DPP10: variants seen among roughly 807,000 people sequenced by gnomAD.
DPP10 encodes the protein inactive dipeptidyl peptidase 10.
A neutral mutation model predicts 120.9 loss-of-function variants in DPP10; 33 were observed. The ratio of observed to expected loss-of-function variants is 0.27; its 90% confidence interval spans 0.21 to 0.37. The LOEUF (loss-of-function observed/expected upper bound fraction) is 0.37. DPP10 is among the 10% of genes least tolerant of loss of function. The pLI is 1.00. For missense variants in DPP10, 816 were observed against 942.8 expected (o/e 0.87, Z 1.76); for synonymous variants, 337 against 326.1 (o/e 1.03, Z -0.36).
chr2:115,653,533 T>G (rs2087995471), intron 5 of DPP10, among the ~76,000 whole-genome samples: 1 of 152,008 alleles, frequency 6.6e-6, no homozygotes, highest in Non-Finnish European at 1.5e-5. Context: ...TTTTTCTTAC[T>G]CTTCATTTGC....
At chr2:115,147,074 T>C (rs2051265117) in intron 1 of DPP10, among the ~76,000 whole-genome samples, 1 of 152,108 alleles carries the variant, frequency 6.6e-6, no homozygotes, top group Non-Finnish European at 1.5e-5. Flanking sequence ...GACAGATTTA[T>C]CTAACTATAA....
At chr2:115,169,602 T>C (rs946114396) in intron 1 of DPP10, among the ~76,000 whole-genome samples, 1 of 152,188 alleles carries the variant, frequency 6.6e-6, no homozygotes, top group Non-Finnish European at 1.5e-5. Flanking sequence ...TTGTTTGATA[T>C]GTTCATGGTT....
intron 1 of DPP10, among the ~76,000 whole-genome samples, chr2:115,098,435 A>C (rs2048511355): frequency 6.6e-6 from 1 of 152,160 alleles, no homozygotes; most frequent in African/African-American, 2.4e-5. Flanking sequence ...TACTTACGGA[A>C]ACCTAGACTG....
chr2:115,815,584 C>G (rs753791261), intron 20 of DPP10, 91 bp from the exon 21 acceptor site: 1 of 1,089,720 alleles, frequency 9.2e-7, no homozygotes, highest in African/African-American at 1.6e-5. Context: ...TAGTCATTAG[C>G]TATTGTTTTG....
intron 5 of DPP10, among the ~76,000 whole-genome samples, chr2:115,602,712 G>A (rs2083411045): frequency 6.6e-6 from 1 of 152,120 alleles, no homozygotes; most frequent in Non-Finnish European, 1.5e-5. Context: ...CTCACTCATG[G>A]CACAGCCTGG....
At chr2:114,673,892 C>A (rs1306177033) in intron 1 of DPP10, among the ~76,000 whole-genome samples, 2 of 152,130 alleles carry the variant, frequency 1.3e-5, no homozygotes, top group African/African-American at 2.4e-5. Context: ...AATACTGCAA[C>A]TTATGGATAC....
chr2:115,225,455 G>C (rs1559271479), intron 1 of DPP10, among the ~76,000 whole-genome samples: 1 of 151,590 alleles, frequency 6.6e-6, no homozygotes, highest in Non-Finnish European at 1.5e-5. Context: ...CTTATTGAGT[G>C]CTTCGAAACA....
At chr2:115,830,572 A>G (rs1688817814) in intron 21 of DPP10, among the ~76,000 whole-genome samples, 1 of 152,292 alleles carries the variant, frequency 6.6e-6, no homozygotes, top group South Asian at 2.1e-4. Context: ...GTCTTTCTTT[A>G]CTGAATTTAG....
chr2:114,936,373 G>GTA lies in DPP10; in HGVS notation c.61-372857_61-372856dup, dbSNP rs532501376. Among the ~76,000 whole-genome samples, 1,041 of 150,728 alleles carry GTA rather than the reference G, an allele frequency of 6.9e-3. 13 individuals carry two copies. The highest frequency in any genetic ancestry group is 0.031 in the Middle Eastern group (9 of 292). Reference sequence around the variant, plus strand: ...ATAGTGTATATATATATGTGTGTGTGTATATATATACACATATATACACAT... The same window carrying GTA: ...ATAGTGTATATATATATGTGTGTGTGTATATATATATACACATATATACACAT... On this transcript the variant is annotated intron_variant, in intron 1 of 25. Coordinates refer to ENST00000410059, the MANE Select transcript of DPP10 (RefSeq NM_020868.6).
intron 1 of DPP10, among the ~76,000 whole-genome samples, chr2:114,877,726 G>T (rs1364670516): frequency 6.6e-6 from 1 of 151,966 alleles, no homozygotes; most frequent in African/African-American, 2.4e-5. Context: ...GATAAATCTA[G>T]TGTGGCATCT....
intron 3 of DPP10, among the ~76,000 whole-genome samples, chr2:115,430,594 T>C (rs2070884111): frequency 6.6e-6 from 1 of 152,106 alleles, no homozygotes; most frequent in Admixed American, 6.6e-5. Context: ...AACAAACAAT[T>C]TAATATATTT....
intron 1 of DPP10, among the ~76,000 whole-genome samples, chr2:115,148,031 C>A (rs1042988981): frequency 2.0e-5 from 3 of 152,144 alleles, no homozygotes; most frequent in Non-Finnish European, 4.4e-5. Flanking sequence ...GCCATCCTTT[C>A]TTGAACCCCA....
At chr2:114,985,372 C>T (rs143827387) in intron 1 of DPP10, among the ~76,000 whole-genome samples, 1 of 152,104 alleles carries the variant, frequency 6.6e-6, no homozygotes, top group Non-Finnish European at 1.5e-5. Flanking sequence ...ATCACATCAC[C>T]ATATTTATTT....
chr2:114,497,184 T>TATACAC (rs1682632172), intron 1 of DPP10, among the ~76,000 whole-genome samples: 1 of 149,710 alleles, frequency 6.7e-6, no homozygotes, highest in Admixed American at 6.6e-5. Flanking sequence ...CATGTGTACG[T>TATACAC]GTATACATGT....
intron 1 of DPP10, among the ~76,000 whole-genome samples, chr2:115,243,983 G>A (rs2058405374): frequency 6.6e-6 from 1 of 151,044 alleles, no homozygotes; most frequent in South Asian, 2.1e-4. Flanking sequence ...ACCCAAAGTT[G>A]TTTATATATA....
At chr2:115,516,414 A>T (rs1011040866) in intron 4 of DPP10, among the ~76,000 whole-genome samples, 4 of 152,072 alleles carry the variant, frequency 2.6e-5, no homozygotes, top group Admixed American at 2.6e-4. Context: ...AGGGTCATTT[A>T]TGATATCTCT....
chr2:114,763,671 A>G (rs1427293227), intron 1 of DPP10, among the ~76,000 whole-genome samples: 1 of 152,192 alleles, frequency 6.6e-6, no homozygotes, highest in African/African-American at 2.4e-5. Flanking sequence ...CCTTAAAACC[A>G]AAGAAGGGAC....
chr2:115,309,461 C>T (rs962316247), intron 2 of DPP10, 108 bp downstream of exon 2: 3 of 986,944 alleles, frequency 3.0e-6, no homozygotes, highest in African/African-American at 3.3e-5. Context: ...GGCACATTAG[C>T]ATGGGTTGGA....
chr2:115,162,003 C>A, intron 1 of DPP10: 1 of 1,385,500 alleles, frequency 7.2e-7, no homozygotes, highest in South Asian at 1.7e-5. Flanking sequence ...GGGGCCAGGG[C>A]GAGCCAGGCG....
Sources: gnomAD v4.1 joint callset for allele counts (sites outside exome capture counted in the v4.1 genomes callset) on GRCh38, gnomAD v4.1.1 for gene constraint, MANE v1.5 for transcripts, NCBI Gene and HGNC (gene_info 2026-07-23, HGNC 2026-07-21) for gene names.